The following NELFCD variants were observed in gnomAD, a reference collection of about 807,000 sequenced individuals.
NELFCD encodes the protein negative elongation factor complex member C/D, also known as negative elongation factor C/D.
A neutral mutation model predicts 72.9 loss-of-function variants in NELFCD; 48 were observed. The observed-to-expected ratio is 0.66, with a 90% confidence interval of 0.52 to 0.84. The LOEUF is 0.84. NELFCD is among the 40% of genes least tolerant of loss of function. The probability of loss-of-function intolerance (pLI) is 0.00; values close to 1 mark genes in which losing one functional copy is unlikely to be tolerated. For synonymous variants in NELFCD, 297 were observed against 280.6 expected (o/e 1.06, Z -0.59); for missense variants, 538 against 723.8 (o/e 0.74, Z 2.94).
In NELFCD at chr20:58,993,257, G is replaced by A. The variant is rs2091830570; in HGVS notation, c.1344+145G>A. On this transcript the variant is annotated intron_variant, in intron 11 of 14. Coordinates refer to ENST00000652272, the MANE Select transcript of NELFCD (RefSeq NM_198976.4). The surrounding 1 kb of genome is among the most constrained non-coding windows in gnomAD (Gnocchi z 5.0). ...TCTGTCCTGAGGATTTTCCTCTTAAGGACCTAGCTTCATTGACTGCAGAAA... is the reference window on the plus strand; with the variant it reads ...TCTGTCCTGAGGATTTTCCTCTTAAAGACCTAGCTTCATTGACTGCAGAAA... 1 of 822,788 alleles carries A rather than the reference G, an allele frequency of 1.2e-6. No individual in the cohort carries two copies. Among genetic ancestry groups the A allele is most frequent in the East Asian group, 2.7e-5 (1 of 37,622 alleles). The allele number at this position is 822,788 out of a possible 1,614,324, so 51.0% of individuals were successfully genotyped here.
In NELFCD at chr20:58,986,997, A is replaced by G; in HGVS notation, c.286+134A>G. ...TGAGACTTGTGTAAGAAAGAGCTGA[A>G]CTTCTTACTCATTTTTATCTTTATC... On this transcript the variant is annotated intron_variant, in intron 3 of 14. Coordinates refer to ENST00000652272, the MANE Select transcript of NELFCD (RefSeq NM_198976.4). The surrounding 1 kb of genome is among the most constrained non-coding windows in gnomAD (Gnocchi z 4.4). 2 of 574,314 alleles carry G rather than the reference A, an allele frequency of 3.5e-6. No individual in the cohort carries two copies. Among genetic ancestry groups the G allele is most frequent in the Non-Finnish European group, 6.1e-6 (2 of 325,692 alleles). 35.6% of individuals were successfully genotyped at this position (574,314 alleles called of 1,614,324 possible).
rs1477400330 is a variant in NELFCD, at chr20:58,988,899, T to G, written c.397-15T>G. ...GGGCCTCCTCCTATCTTGCTGTTTG[T>G]GTGTGTGTTGGCAGACCCCAGCGTG... On this transcript the variant is annotated splice_polypyrimidine_tract_variant and intron_variant, in intron 4 of 14. Transcript: ENST00000652272. The G allele has an allele frequency of 6.3e-7, 1 of 1,599,248 alleles. No individual in the cohort carries two copies. Among genetic ancestry groups the G allele is most frequent in the Non-Finnish European group, 8.6e-7 (1 of 1,166,602 alleles).
intron 1 of NELFCD, among the ~76,000 whole-genome samples, chr20:58,981,647 A>T (rs1238300293): frequency 6.6e-6 from 1 of 151,096 alleles, no homozygotes; most frequent in Non-Finnish European, 1.5e-5. Flanking sequence ...GGGCGGCCCG[A>T]GGCCCCCAGT....
At chr20:58,984,439 A>G (rs1358244381) in intron 1 of NELFCD, among the ~76,000 whole-genome samples, 1 of 152,156 alleles carries the variant, frequency 6.6e-6, no homozygotes, top group East Asian at 1.9e-4. Flanking sequence ...AATAAGGAAG[A>G]GCAGAGGCAA....
Position 58,993,065 on chromosome 20 carries a change from C to G in NELFCD, c.1297C>G (p.Gln433Glu). Residue 433 changes from glutamine (Q) to glutamate (E), a missense_variant, in exon 11 of 15, where the codon CAG (glutamine) becomes GAG (glutamate). Coordinates refer to ENST00000652272, the MANE Select transcript of NELFCD (RefSeq NM_198976.4). This position sits in a 1 kb window ranked among gnomAD's most constrained non-coding sequence, Gnocchi z 5.0. ...DWTVSEPRYF[Q>E]LQTDHTPVHL... ...GACTGTATCAGAACCAAGGTACTTT[C>G]AGCTGCAGACTGACCATACCCCTGT... 6.2e-7 allele frequency: 1 copy of G among 1,614,166 alleles called. No homozygotes were observed. Among genetic ancestry groups the G allele is most frequent in the Non-Finnish European group, 8.5e-7 (1 of 1,180,016 alleles).
At chr20:58,982,711 C>T (rs1307998625) in intron 1 of NELFCD, among the ~76,000 whole-genome samples, 3 of 152,118 alleles carry the variant, frequency 2.0e-5, no homozygotes, top group Admixed American at 1.3e-4. Context: ...TCTGAAGATC[C>T]TTGGAGAGCT....
chr20:58,991,956 T>G lies in NELFCD; in HGVS notation c.1165T>G (p.Cys389Gly). The G allele has an allele frequency of 1.9e-6, 3 of 1,614,216 alleles. No individual in the cohort carries two copies. Among genetic ancestry groups the G allele is most frequent in the Non-Finnish European group, 2.5e-6 (3 of 1,180,044 alleles). ...TGTCGAAACCGTTCACAATTTGTGT[T>G]GCAACGAGAACAAAGGGGCCTCTGA... ...KAVETVHNLCCNENKGASELV... is the reference protein window; with the variant it reads ...KAVETVHNLCGNENKGASELV... The change falls in exon 10 of 15, where the codon TGC becomes GGC. Residue 389 changes from cysteine to glycine, a missense_variant. By Grantham distance (159) the Cys-to-Gly change is radical. Around this residue, in one of 3 missense-constraint regions of NELFCD, gnomAD observed 355 missense variants for 534.5 expected, o/e 0.66. Transcript: ENST00000652272.
At position 58,986,213 on chromosome 20, in the gene NELFCD, G is replaced by A. The variant is rs1213245856; in HGVS notation, c.176+5G>A. On this transcript the variant is annotated splice_donor_5th_base_variant and intron_variant, in intron 2 of 14. Coordinates refer to ENST00000652272, the MANE Select transcript of NELFCD (RefSeq NM_198976.4). This position sits in a 1 kb window ranked among gnomAD's most constrained non-coding sequence, Gnocchi z 4.4. The stretch of plus-strand genomic sequence containing the variant: ...CATCTTCAACACTCTGAAGAGGTAT[G>A]TGAGAAAGGTGTCTGTATTGGGAGG... 1.9e-6 allele frequency: 3 copies of A among 1,567,872 alleles called. No homozygotes were observed. The highest frequency in any genetic ancestry group is 2.6e-6 in the Non-Finnish European group (3 of 1,137,916).
chr20:58,981,330 G>T lies in NELFCD; in HGVS notation c.21G>T (p.Gly7=), dbSNP rs774385373. The part of the protein sequence containing the change: MDEDYY[G]SAAEWGDEAD... ...CCATCATGGACGAGGACTACTACGG[G>T]AGCGCGGCCGAGTGGGGCGACGAGG... Residue 7 remains glycine, a synonymous_variant, in exon 1 of 15, where the codon GGG becomes GGT. Coordinates refer to ENST00000652272, the MANE Select transcript of NELFCD (RefSeq NM_198976.4). The T allele has an allele frequency of 5.4e-6, 6 of 1,106,378 alleles. No individual in the cohort carries two copies. The highest frequency in any genetic ancestry group is 1.7e-5 in the African/African-American group (1 of 59,950). 68.5% of individuals were successfully genotyped at this position (1,106,378 alleles called of 1,614,324 possible). A position where few individuals can be genotyped will look rare whatever the true frequency, so the allele number is the denominator to read the frequency against.
chr20:58,984,638 G>A (rs552712976), intron 1 of NELFCD, among the ~76,000 whole-genome samples: 3 of 152,302 alleles, frequency 2.0e-5, no homozygotes, highest in South Asian at 2.1e-4. Context: ...TGTTTCTAGG[G>A]AAGAGATGTC....
chr20:58,985,429 T>C (rs137988372), intron 1 of NELFCD, among the ~76,000 whole-genome samples: 84 of 152,318 alleles, frequency 5.5e-4, no homozygotes, highest in African/African-American at 1.9e-3. Flanking sequence ...AGTGTTAAAG[T>C]TGGACAGGGT....
At position 58,993,430 on chromosome 20, in the gene NELFCD, C is replaced by A; in HGVS notation, c.1345-19C>A. 6.2e-7 allele frequency: 1 copy of A among 1,611,854 alleles called. No homozygotes were observed. The highest frequency in any genetic ancestry group is 2.2e-5 in the East Asian group (1 of 44,882). On this transcript the variant is annotated intron_variant, in intron 11 of 14. Coordinates refer to ENST00000652272, the MANE Select transcript of NELFCD (RefSeq NM_198976.4). The surrounding 1 kb of genome is among the most constrained non-coding windows in gnomAD (Gnocchi z 5.0). ...CGTGACCACACTGCTCAGCGAAGCT[C>A]CCTCTGGCCTGTTTGTAGATCAGCA...
At chr20:58,981,568 C>T (rs1465957636) in intron 1 of NELFCD, among the ~76,000 whole-genome samples, 199 bp downstream of exon 1, 1 of 125,980 alleles carries the variant, frequency 7.9e-6, no homozygotes. Flanking sequence ...GCGGCGCGGC[C>T]GCCGGGGTCC....
chr20:58,986,739 T>G lies in NELFCD; in HGVS notation c.177-15T>G. The stretch of plus-strand genomic sequence containing the variant: ...CCATTCATTCGGGTGTAATTGCTGT[T>G]GTTACTTTCCCTAGGTATTTTCAGG... On this transcript the variant is annotated splice_polypyrimidine_tract_variant and intron_variant, in intron 2 of 14. Transcript: ENST00000652272. The surrounding 1 kb of genome is among the most constrained non-coding windows in gnomAD (Gnocchi z 4.4). 1 of 1,494,890 alleles carries G rather than the reference T, an allele frequency of 6.7e-7. No homozygotes were observed. Among genetic ancestry groups the G allele is most frequent in the Non-Finnish European group, 9.3e-7 (1 of 1,071,360 alleles). 92.6% of individuals were successfully genotyped at this position (1,494,890 alleles called of 1,614,324 possible).
At chr20:58,992,903 C>CAAA in intron 10 of NELFCD, 95 bp from the exon 11 acceptor site, 1 of 829,766 alleles carries the variant, frequency 1.2e-6, no homozygotes, top group South Asian at 1.5e-5. Context: ...ATGATGGAGT[C>CAAA]ATTTGAGTTT....
intron 9 of NELFCD, 45 bp from the exon 10 acceptor site, chr20:58,991,836 G>C: frequency 1.3e-6 from 2 of 1,599,586 alleles, no homozygotes; most frequent in Non-Finnish European, 8.5e-7. Flanking sequence ...CGACAGCAGG[G>C]ATATCTGCCC....
Position 58,986,234 on chromosome 20 carries a change from G to A in NELFCD, c.176+26G>A. ...GTATGTGAGAAAGGTGTCTGTATTG[G>A]GAGGAGGCTGGGGGTAATTTAGAGA... On this transcript the variant is annotated intron_variant, in intron 2 of 14. Transcript: ENST00000652272. The surrounding 1 kb of genome is among the most constrained non-coding windows in gnomAD (Gnocchi z 4.4). 2.1e-6 allele frequency: 3 copies of A among 1,452,220 alleles called. No individual in the cohort carries two copies. The highest frequency in any genetic ancestry group is 1.9e-6 in the Non-Finnish European group (2 of 1,032,470). The allele number at this position is 1,452,220 out of a possible 1,614,324, so 90.0% of individuals were successfully genotyped here.
rs2091774124 is a variant in NELFCD, at chr20:58,986,560, C to CT, written c.177-192dup. ...GGCTCCTTACGTTGCCCTGGCTGCT[C>CT]TTGAACTCCTAGGCTCAAGTGATTC... On this transcript the variant is annotated intron_variant, in intron 2 of 14. Transcript: ENST00000652272. This position sits in a 1 kb window ranked among gnomAD's most constrained non-coding sequence, Gnocchi z 4.4. 1 of 604,710 alleles carries CT rather than the reference C, an allele frequency of 1.7e-6. No homozygotes were observed. The highest frequency in any genetic ancestry group is 3.2e-5 in the Admixed American group (1 of 30,948). 37.5% of individuals were successfully genotyped at this position (604,710 alleles called of 1,614,324 possible).
Position 58,988,950 on chromosome 20 carries a change from A to G in NELFCD, c.433A>G (p.Thr145Ala). The part of the protein sequence containing the change: ...AWLEQMIAHT[T>A]WRDLFYKLAE... The stretch of plus-strand genomic sequence containing the variant: ...GCTGGAACAGATGATTGCACATACC[A>G]CGTGGCGGGACCTTTTTTATAAACT... Residue 145 changes from threonine to alanine, a missense_variant, in exon 5 of 15, where the codon ACG (threonine) becomes GCG (alanine). Coordinates refer to ENST00000652272, the MANE Select transcript of NELFCD (RefSeq NM_198976.4). The G allele has an allele frequency of 6.2e-7, 1 of 1,614,158 alleles. No homozygotes were observed. Among genetic ancestry groups the G allele is most frequent in the Non-Finnish European group, 8.5e-7 (1 of 1,179,996 alleles).
Sources: allele counts gnomAD v4.1 joint callset (sites outside exome capture counted in the v4.1 genomes callset), GRCh38; gene constraint gnomAD v4.1.1; regional missense constraint gnomAD v4.1.1; non-coding constraint Gnocchi (gnomAD v3.1); transcripts MANE v1.5; gene names NCBI Gene and HGNC (gene_info 2026-07-23, HGNC 2026-07-21).